MATR3: variants seen among roughly 807,000 people sequenced by gnomAD.
The protein encoded by MATR3 is matrin 3, also known as matrin-3.
MATR3 carries 4 observed loss-of-function variants against 85.5 expected under a neutral mutation model. The observed-to-expected ratio is 0.05, with a 90% CI of 0.02 to 0.11. The LOEUF (loss-of-function observed/expected upper bound fraction) is 0.11, where lower values mean the gene tolerates loss of function less well. Ranked by LOEUF, MATR3 falls within the 10% of genes least tolerant of loss-of-function variation. MATR3 has a pLI of 1.00. For missense variants in MATR3, 685 were observed against 1,016.1 expected, an observed-to-expected ratio of 0.67 and a Z score of 4.43; for synonymous variants, 336 against 343.1, an observed-to-expected ratio of 0.98 and a Z score of 0.23.
chr5:139,313,697 C>T (rs1438284253), intron 2 of MATR3: 2 of 152,120 alleles, frequency 1.3e-5, no homozygotes, highest in African/African-American at 4.8e-5. Flanking sequence ...GAAAGAGGCA[C>T]TCCTTAAATT....
At chr5:139,293,942 T>C in intron 1 of MATR3, 137 bp downstream of exon 1, 2 of 1,210,524 alleles carry the variant, frequency 1.7e-6, no homozygotes, top group Non-Finnish European at 2.1e-6. Flanking sequence ...TCTGCCTCCC[T>C]CCGCGTTGCG....
At chr5:139,328,178 T>TAA (rs973702803) in intron 14 of MATR3, among the ~76,000 whole-genome samples, 14 of 138,760 alleles carry the variant, frequency 1.0e-4, no homozygotes, top group African/African-American at 1.3e-4. Flanking sequence ...TTCCTTTTAT[T>TAA]AAAAAAAAAA....
chr5:139,280,826 A>C (rs989386717), intron 3 of MATR3: 4 of 99,952 alleles, frequency 4.0e-5, no homozygotes, highest in Admixed American at 2.2e-4. Flanking sequence ...GCTACTTGAA[A>C]ATAGATAATT....
At chr5:139,294,199 G>A (rs1450465138) in intron 1 of MATR3, 2 of 549,890 alleles carry the variant, frequency 3.6e-6, no homozygotes, top group African/African-American at 2.0e-5. Context: ...CTGAGGGGGA[G>A]GGAGGAGCTC....
rs1756097414 is a variant in MATR3, at chr5:139,330,691, A to C, written c.*1296A>C. The C allele has an allele frequency of 2.2e-6, 1 of 453,998 alleles. No homozygotes were observed. Among genetic ancestry groups the C allele is most frequent in the Non-Finnish European group, 4.4e-6 (1 of 226,780 alleles). 28.1% of individuals were successfully genotyped at this position (453,998 alleles called of 1,614,324 possible). A position where few individuals can be genotyped will look rare whatever the true frequency, so the allele number is the denominator to read the frequency against. On this transcript the variant is annotated 3_prime_UTR_variant, in exon 15 of 15. Coordinates refer to ENST00000394805, the MANE Select transcript of MATR3 (RefSeq NM_018834.6). The stretch of plus-strand genomic sequence containing the variant: ...AAGCTTATGTTTAGAGATATTGATG[A>C]CTTAACAGTACAATTGGAAGTAATA...
intron 1 of MATR3, chr5:139,300,003 G>A (rs1209434147): frequency 6.6e-6 from 1 of 152,124 alleles, no homozygotes; most frequent in Non-Finnish European, 1.5e-5. Flanking sequence ...GAATGAAGAA[G>A]GAAGATGTTT....
chr5:139,278,168 A>G (rs182515791), intron 2 of MATR3, among the ~76,000 whole-genome samples: 1 of 152,170 alleles, frequency 6.6e-6, no homozygotes, highest in East Asian at 1.9e-4. Context: ...GGAGATTGAG[A>G]CTACAGTGAA....
intron 10 of MATR3, among the ~76,000 whole-genome samples, 198 bp from the exon 11 acceptor site, chr5:139,322,265 T>C (rs1755611663): frequency 6.6e-6 from 1 of 152,258 alleles, no homozygotes; most frequent in Non-Finnish European, 1.5e-5. Flanking sequence ...CATAGCGTTC[T>C]GCTACCAGAA....
At chr5:139,284,753 TTG>T (rs1291775717) in intron 3 of MATR3, among the ~76,000 whole-genome samples, 2 of 152,214 alleles carry the variant, frequency 1.3e-5, no homozygotes, top group Admixed American at 6.5e-5. Flanking sequence ...TGAGACATCT[TTG>T]TGTAAATTAT....
At chr5:139,324,204 A>G (rs1897580) in intron 12 of MATR3, among the ~76,000 whole-genome samples, 83,116 of 151,860 alleles carry the variant, frequency 0.55, 25,443 homozygotes, top group Non-Finnish European at 0.7. Flanking sequence ...GAAAATTGAA[A>G]TATGGAGAAG....
intron 12 of MATR3, chr5:139,325,212 C>A: frequency 6.7e-7 from 1 of 1,495,690 alleles, no homozygotes; most frequent in Non-Finnish European, 8.9e-7. Flanking sequence ...AAGGCAAAGA[C>A]GCTATCCGTT....
Position 139,316,069 on chromosome 5 carries a change from T to A in MATR3, c.1017-7T>A. The stretch of plus-strand genomic sequence containing the variant: ...ATGATTTATATTTTATGTCTTCACT[T>A]TACTAGGGGTGATCCATTCATGTTG... On this transcript the variant is annotated splice_polypyrimidine_tract_variant and splice_region_variant and intron_variant, in intron 4 of 14. Transcript: ENST00000394805. 6.5e-7 allele frequency: 1 copy of A among 1,549,478 alleles called. No homozygotes were observed. The highest frequency in any genetic ancestry group is 8.9e-7 in the Non-Finnish European group (1 of 1,125,052).
chr5:139,311,276 A>G (rs978466457), intron 2 of MATR3: 4 of 152,232 alleles, frequency 2.6e-5, no homozygotes, highest in African/African-American at 9.6e-5. Flanking sequence ...TATCTCAGAT[A>G]CATCAAGGTG....
At chr5:139,329,290 AT>A in intron 14 of MATR3, 54 bp from the exon 15 acceptor site, 1 of 1,237,786 alleles carries the variant, frequency 8.1e-7, no homozygotes, top group South Asian at 1.2e-5. Flanking sequence ...GAATTAATCC[AT>A]TTTGCTGCAT....
chr5:139,287,360 T>C (rs955433605), intron 3 of MATR3, among the ~76,000 whole-genome samples: 4 of 152,246 alleles, frequency 2.6e-5, no homozygotes, highest in Non-Finnish European at 5.9e-5. Context: ...GGCTCACGCC[T>C]GTAATCCTAC....
intron 2 of MATR3, chr5:139,311,355 A>G (rs1754962551): frequency 6.6e-6 from 1 of 152,204 alleles, no homozygotes; most frequent in African/African-American, 2.4e-5. Context: ...CTGATTTTAC[A>G]GGAGTTACCT....
intron 1 of MATR3, among the ~76,000 whole-genome samples, chr5:139,300,677 G>A (rs1754392464): frequency 6.6e-6 from 1 of 152,120 alleles, no homozygotes; most frequent in Non-Finnish European, 1.5e-5. Flanking sequence ...AAGTCTTTTT[G>A]AGTCAGAGTC....
intron 3 of MATR3, chr5:139,314,972 CATT>C (rs1755168746): frequency 8.9e-6 from 4 of 447,644 alleles, no homozygotes; most frequent in Middle Eastern, 6.7e-4. Flanking sequence ...ATATATTGGT[CATT>C]ATACAAATTG....
upstream of MATR3, among the ~76,000 whole-genome samples, chr5:139,290,438 C>CTTTTTTTTTTT (rs762364450): frequency 0.089 from 4,009 of 44,904 alleles, 1,308 homozygotes; most frequent in East Asian, 0.37. Context: ...CCTGGCCGCT[C>CTTTTTTTTTTT]TTTTTTTTTT....
Sources: allele counts gnomAD v4.1 joint callset (sites outside exome capture counted in the v4.1 genomes callset), GRCh38; gene constraint gnomAD v4.1.1; transcripts MANE v1.5; gene names NCBI Gene and HGNC (gene_info 2026-07-23, HGNC 2026-07-21).